The following ACTR3C variants were observed in gnomAD, a reference collection of about 807,000 sequenced individuals.
ACTR3C encodes the protein actin related protein 3C, also known as actin-related protein 3C.
A neutral mutation model predicts 26.3 loss-of-function variants in ACTR3C; 18 were observed. The ratio of observed to expected loss-of-function variants is 0.68; its 90% CI spans 0.47 to 1.01. The LOEUF (loss-of-function observed/expected upper bound fraction) is 1.01, where lower values mean the gene tolerates loss of function less well. Ranked by LOEUF, ACTR3C falls within the 50% of genes least tolerant of loss-of-function variation. ACTR3C has a pLI of 0.00. For synonymous variants in ACTR3C, 55 were observed against 94.5 expected (o/e 0.58, Z 2.42); for missense variants, 184 against 250.7 (o/e 0.73, Z 1.80).
At chr7:150,232,676 A>G in the ACTR3C span, among the ~76,000 whole-genome samples, 22 of 147,312 alleles carry the variant, frequency 1.5e-4, 3 homozygotes, top group African/African-American at 5.6e-4. Context: ...TACAAAAATT[A>G]GCCAGGCATG....
chr7:150,042,881 C>G, the ACTR3C span, among the ~76,000 whole-genome samples: 10 of 150,708 alleles, frequency 6.6e-5, no homozygotes, highest in Admixed American at 2.0e-4. Flanking sequence ...AAGGCTTTGT[C>G]AGATCGGGTA....
the ACTR3C span, among the ~76,000 whole-genome samples, chr7:149,900,980 C>A: frequency 6.6e-6 from 1 of 152,100 alleles, no homozygotes; most frequent in African/African-American, 2.4e-5. Context: ...TCACAGTAAG[C>A]CGACATCACA....
the ACTR3C span, among the ~76,000 whole-genome samples, chr7:150,158,836 G>A: frequency 2.7e-5 from 4 of 147,538 alleles, no homozygotes; most frequent in Non-Finnish European, 4.5e-5. Context: ...GCACACACAG[G>A]CACACACAGG....
chr7:150,295,695 C>T (rs1277085368), intron 1 of ACTR3C, among the ~76,000 whole-genome samples: 9 of 150,148 alleles, frequency 6.0e-5, no homozygotes, highest in African/African-American at 7.5e-5. Context: ...ACAACCAAGA[C>T]GAGTGAGGAC....
chr7:150,030,520 TATCCCA>T, the ACTR3C span, among the ~76,000 whole-genome samples: 1 of 152,288 alleles, frequency 6.6e-6, no homozygotes, highest in Admixed American at 6.5e-5. Flanking sequence ...AGCATTTCTG[TATCCCA>T]TGGTGTCAGC....
the ACTR3C span, among the ~76,000 whole-genome samples, chr7:150,019,075 G>GAC: frequency 1.3e-5 from 2 of 150,342 alleles, no homozygotes; most frequent in South Asian, 4.2e-4. Flanking sequence ...GAAAGCAGAT[G>GAC]ACAACACAAC....
the ACTR3C span, among the ~76,000 whole-genome samples, chr7:149,937,628 C>G: frequency 6.6e-6 from 1 of 152,108 alleles, no homozygotes; most frequent in Admixed American, 6.5e-5. Context: ...AGAACACTGG[C>G]TGGTTTGGTG....
At chr7:149,984,392 C>T in the ACTR3C span, among the ~76,000 whole-genome samples, 4 of 152,022 alleles carry the variant, frequency 2.6e-5, no homozygotes, top group East Asian at 3.9e-4. Context: ...TTAGTAGAGA[C>T]GGGGTTTCAC....
chr7:150,142,840 T>C, the ACTR3C span, among the ~76,000 whole-genome samples: 1 of 149,628 alleles, frequency 6.7e-6, no homozygotes, highest in Non-Finnish European at 1.5e-5. Flanking sequence ...TTTTTTGTTT[T>C]TGTTTTTGTT....
the ACTR3C span, among the ~76,000 whole-genome samples, chr7:150,071,877 A>G: frequency 6.7e-6 from 1 of 148,434 alleles, no homozygotes; most frequent in Admixed American, 6.6e-5. Context: ...ACAAGGGAAG[A>G]GACAGAGAAG....
At chr7:150,306,112 A>G (rs1795789515) in intron 1 of ACTR3C, among the ~76,000 whole-genome samples, 1 of 152,246 alleles carries the variant, frequency 6.6e-6, no homozygotes, top group South Asian at 2.1e-4. Flanking sequence ...TCTTTTTAAT[A>G]ATAAACTTGA....
chr7:149,952,461 T>C, the ACTR3C span, among the ~76,000 whole-genome samples: 4 of 147,250 alleles, frequency 2.7e-5, no homozygotes, highest in African/African-American at 5.4e-5. Flanking sequence ...ATTGAAAAGA[T>C]TGGTAAATTT....
the ACTR3C span, among the ~76,000 whole-genome samples, chr7:150,026,020 G>A: frequency 6.6e-6 from 1 of 152,072 alleles, no homozygotes; most frequent in Non-Finnish European, 1.5e-5. Context: ...TTCCATATTT[G>A]TAAAATGAGA....
chr7:150,124,871 T>G, the ACTR3C span, among the ~76,000 whole-genome samples: 1 of 152,218 alleles, frequency 6.6e-6, no homozygotes, highest in Admixed American at 6.5e-5. Context: ...AGCCACTCAT[T>G]TAATTGTAAT....
downstream of ACTR3C, among the ~76,000 whole-genome samples, chr7:150,242,625 C>T (rs1042408840): frequency 5.3e-5 from 8 of 152,162 alleles, no homozygotes; most frequent in Non-Finnish European, 8.8e-5. Flanking sequence ...GTCCAAGACA[C>T]AGAAAAAGAT....
chr7:150,031,107 A>T, the ACTR3C span, among the ~76,000 whole-genome samples: 1 of 151,972 alleles, frequency 6.6e-6, no homozygotes, highest in African/African-American at 2.4e-5. Context: ...GAATACAAAA[A>T]TTAGCCAGGC....
At chr7:150,235,456 C>T in the ACTR3C span, among the ~76,000 whole-genome samples, 2 of 152,178 alleles carry the variant, frequency 1.3e-5, no homozygotes, top group South Asian at 2.1e-4. Context: ...TTCAACACCC[C>T]GAAGCATCTT....
At chr7:150,310,277 C>T (rs1346604052) in intron 1 of ACTR3C, among the ~76,000 whole-genome samples, 2 of 152,106 alleles carry the variant, frequency 1.3e-5, no homozygotes, top group Non-Finnish European at 2.9e-5. Context: ...CTCTGGCAAC[C>T]GACCATGCAC....
chr7:149,897,061 CAAAAAAAAAA>C, the ACTR3C span, among the ~76,000 whole-genome samples: 1 of 51,106 alleles, frequency 2.0e-5, no homozygotes, highest in Non-Finnish European at 4.8e-5. Context: ...ACACCGTCTC[CAAAAAAAAAA>C]AAAAAAAAAA....
Sources: allele counts gnomAD v4.1 joint callset (sites outside exome capture counted in the v4.1 genomes callset), GRCh38; gene constraint gnomAD v4.1.1; transcripts MANE v1.5; gene names NCBI Gene and HGNC (gene_info 2026-07-23, HGNC 2026-07-21).